The following ARSJ variants were observed in gnomAD, a reference collection of about 807,000 sequenced individuals.
The protein encoded by ARSJ is arylsulfatase family member J.
Under a neutral mutation model 35.9 loss-of-function variants are expected in ARSJ, and 26 were observed. The ratio of observed to expected loss-of-function variants is 0.72; its 90% CI spans 0.53 to 1.00. The LOEUF (loss-of-function observed/expected upper bound fraction) is 1.00. ARSJ is among the 50% of genes least tolerant of loss of function. The pLI is 0.00. For missense variants in ARSJ, 667 were observed against 723.6 expected (o/e 0.92, Z 0.90); for synonymous variants, 294 against 267.6 (o/e 1.10, Z -0.96).
chr4:113,903,229 T>G lies in ARSJ; in HGVS notation c.845A>C (p.Tyr282Ser). The change falls in exon 2 of 2, where the codon TAC becomes TCC. Residue 282 changes from tyrosine (Y) to serine (S), a missense_variant. Transcript: ENST00000315366. ...CCTGTTTATGTTGATAATGGATCGG[T>G]AGTGTTCGAAATACCTGCCAGGAGC... ...LQAPGRYFEH[Y>S]RSIININRRR... The G allele has an allele frequency of 6.2e-7, 1 of 1,614,220 alleles. No individual in the cohort carries two copies. The highest frequency in any genetic ancestry group is 8.5e-7 in the Non-Finnish European group (1 of 1,180,036).
intron 1 of ARSJ, among the ~76,000 whole-genome samples, chr4:113,948,197 A>C (rs1725623958): frequency 6.6e-6 from 1 of 152,064 alleles, no homozygotes; most frequent in African/African-American, 2.4e-5. Flanking sequence ...TTAAAAAAAA[A>C]TTAACATAGT....
chr4:113,957,096 TTAA>T (rs1230205708), intron 1 of ARSJ, among the ~76,000 whole-genome samples: 1 of 151,998 alleles, frequency 6.6e-6, no homozygotes, highest in African/African-American at 2.4e-5. Context: ...ATCAATGCCG[TTAA>T]TAATTGTAGG....
chr4:113,902,124 A>C lies in ARSJ; in HGVS notation c.*150T>G, dbSNP rs868054165. 6.3e-7 allele frequency: 1 copy of C among 1,594,656 alleles called. No individual in the cohort carries two copies. Among genetic ancestry groups the C allele is most frequent in the Non-Finnish European group, 8.5e-7 (1 of 1,177,966 alleles). ...CAGGACAGTTTTCAGTGTGGCGGCC[A>C]GGTGGCAGAAGTCTCTGGAGTGGCA... On this transcript the variant is annotated 3_prime_UTR_variant, in exon 2 of 2. Coordinates refer to ENST00000315366, the MANE Select transcript of ARSJ (RefSeq NM_024590.4).
chr4:113,964,159 A>G (rs114953270), intron 1 of ARSJ, among the ~76,000 whole-genome samples: 2,036 of 152,198 alleles, frequency 0.013, 50 homozygotes, highest in African/African-American at 0.045. Context: ...ACAGTGAATT[A>G]TCTAGCTAAG....
chr4:113,914,379 A>T (rs537065824), intron 1 of ARSJ, among the ~76,000 whole-genome samples: 54 of 152,306 alleles, frequency 3.5e-4, no homozygotes, highest in African/African-American at 1.2e-3. Context: ...ATATTTAAGA[A>T]GTTTAACATT....
intron 1 of ARSJ, among the ~76,000 whole-genome samples, chr4:113,913,633 A>G (rs1313347689): frequency 1.3e-5 from 2 of 152,224 alleles, no homozygotes; most frequent in East Asian, 3.8e-4. Context: ...TCTAATTTAT[A>G]GAGACTATTT....
At position 113,903,548 on chromosome 4, in the gene ARSJ, T is replaced by G; in HGVS notation, c.526A>C (p.Lys176Gln). Residue 176 changes from lysine to glutamine, a missense_variant, in exon 2 of 2, where the codon AAA (lysine) becomes CAA (glutamine). Lys to Gln is a moderately conservative substitution (Grantham distance 53). Transcript: ENST00000315366. ...TTTCTGTAAAAACCCAAGTGCCATT[T>G]TCCGACCATATGCGTTGAATATCCA... The part of the protein sequence containing the change: ...EVGYSTHMVG[K>Q]WHLGFYRKEC... 6.2e-7 allele frequency: 1 copy of G among 1,614,224 alleles called. No individual in the cohort carries two copies. Among genetic ancestry groups the G allele is most frequent in the Non-Finnish European group, 8.5e-7 (1 of 1,180,030 alleles).
chr4:113,964,345 CA>C (rs1726755626), intron 1 of ARSJ, among the ~76,000 whole-genome samples: 1 of 152,032 alleles, frequency 6.6e-6, no homozygotes, highest in African/African-American at 2.4e-5. Context: ...AACTATACTC[CA>C]AAATGTTTAC....
In ARSJ at chr4:113,942,741, A is replaced by G. The variant is rs540021157; in HGVS notation, c.398+35696T>C. 1.5e-3 allele frequency among the ~76,000 whole-genome samples: 232 copies of G among 152,198 alleles called. 2 individuals carry two copies. The highest frequency in any genetic ancestry group is 5.2e-3 in the African/African-American group (216 of 41,562). ...CTAGAATTTCAGAGGTTTTTCTTAAAATGGAAAAGTGATTTTAAAATTATG... is the reference window on the plus strand; with the variant it reads ...CTAGAATTTCAGAGGTTTTTCTTAAGATGGAAAAGTGATTTTAAAATTATG... On this transcript the variant is annotated intron_variant, in intron 1 of 1. Coordinates refer to ENST00000315366, the MANE Select transcript of ARSJ (RefSeq NM_024590.4).
chr4:113,965,810 C>T (rs1222502267), intron 1 of ARSJ, among the ~76,000 whole-genome samples: 3 of 152,030 alleles, frequency 2.0e-5, no homozygotes, highest in African/African-American at 4.8e-5. Flanking sequence ...TGATTTCAAA[C>T]GTTTCAGTTT....
intron 1 of ARSJ, among the ~76,000 whole-genome samples, chr4:113,954,091 A>C (rs1190391203): frequency 6.6e-6 from 1 of 151,984 alleles, no homozygotes; most frequent in Non-Finnish European, 1.5e-5. Context: ...TACCATCAAA[A>C]TCTATGTTAG....
chr4:113,978,742 T>C lies in ARSJ; in HGVS notation c.93A>G (p.Ala31=). 2.5e-6 allele frequency: 4 copies of C among 1,614,264 alleles called. No individual in the cohort carries two copies. The highest frequency in any genetic ancestry group is 3.4e-6 in the Non-Finnish European group (4 of 1,180,046). ...TGAGGAGGCAGAGGATCCAGAATCCTGCCAGCGCCCCCATTGCTAGCATCT... is the reference window on the plus strand; with the variant it reads ...TGAGGAGGCAGAGGATCCAGAATCCCGCCAGCGCCCCCATTGCTAGCATCT... ...PGKMLAMGAL[A]GFWILCLLTY... is the part of the protein sequence containing the mutation. The change falls in exon 1 of 2, where the codon GCA becomes GCG. Residue 31 remains alanine (A), a synonymous_variant. Coordinates refer to ENST00000315366, the MANE Select transcript of ARSJ (RefSeq NM_024590.4).
rs184463690 is a variant in ARSJ, at chr4:113,902,855, T to C, written c.1219A>G (p.Ile407Val). Residue 407 changes from isoleucine to valine, a missense_variant, in exon 2 of 2, where the codon ATA (isoleucine) becomes GTA (valine). Ile to Val is a conservative substitution (Grantham distance 29, BLOSUM62 3). Transcript: ENST00000315366. ...QLDGYDIWET[I>V]SEGLRSPRVD... ...CGGGGTGAGCGAAGACCCTCACTTA[T>C]GGTCTCCCAGATATCATAGCCATCT... 7.7e-5 allele frequency: 125 copies of C among 1,614,172 alleles called. No homozygotes were observed. The highest frequency in any genetic ancestry group is 4.9e-4 in the Middle Eastern group (3 of 6,062).
At chr4:113,971,451 A>G (rs1276943277) in intron 1 of ARSJ, among the ~76,000 whole-genome samples, 1 of 152,152 alleles carries the variant, frequency 6.6e-6, no homozygotes, top group African/African-American at 2.4e-5. Context: ...GACTCTTTAA[A>G]ATTATGGACT....
intron 1 of ARSJ, chr4:113,906,890 G>T (rs1379507516): frequency 6.7e-6 from 2 of 297,210 alleles, no homozygotes; most frequent in Admixed American, 4.5e-5. Context: ...TTTGCATAAC[G>T]CTTTTTAATT....
chr4:113,975,791 A>G (rs1463450634), intron 1 of ARSJ, among the ~76,000 whole-genome samples: 2 of 152,182 alleles, frequency 1.3e-5, no homozygotes, highest in East Asian at 3.8e-4. Flanking sequence ...AACAGTCTTA[A>G]TTTATTTTTG....
chr4:113,906,833 G>A (rs1046395882), intron 1 of ARSJ: 2 of 428,650 alleles, frequency 4.7e-6, no homozygotes, highest in Admixed American at 2.6e-5. Context: ...TTTATTCAGC[G>A]ATAGCTTTAA....
intron 1 of ARSJ, among the ~76,000 whole-genome samples, chr4:113,940,192 A>G (rs1423598117): frequency 6.6e-6 from 1 of 152,170 alleles, no homozygotes; most frequent in African/African-American, 2.4e-5. Flanking sequence ...ATGCTTGCAT[A>G]TGCTCACTGC....
chr4:113,909,522 G>A (rs1190348853), intron 1 of ARSJ, among the ~76,000 whole-genome samples: 1 of 152,112 alleles, frequency 6.6e-6, no homozygotes, highest in Admixed American at 6.6e-5. Context: ...CATGGGGGCA[G>A]TTTTCCTCAT....
Sources: gnomAD v4.1 joint callset for allele counts (sites outside exome capture counted in the v4.1 genomes callset) on GRCh38, gnomAD v4.1.1 for gene constraint, MANE v1.5 for transcripts, NCBI Gene and HGNC (gene_info 2026-07-23, HGNC 2026-07-21) for gene names.